Variants in B3GLCT observed in about 807,000 individuals in gnomAD.
B3GLCT encodes beta 3-glucosyltransferase.
A neutral mutation model predicts 63.4 loss-of-function variants in B3GLCT; 65 were observed. That is an observed-to-expected ratio of 1.03 (90% confidence interval 0.84 to 1.26). The LOEUF (loss-of-function observed/expected upper bound fraction) is 1.26, where lower values mean the gene tolerates loss of function less well. Among genes scored for constraint, B3GLCT ranks in the 50% most tolerant of loss-of-function variants. The pLI, the probability that B3GLCT is intolerant of heterozygous loss-of-function variation, is 0.00. For missense variants in B3GLCT, 577 were observed against 604.8 expected, an observed-to-expected ratio of 0.95 and a Z score of 0.48; for synonymous variants, 233 against 219.2, an observed-to-expected ratio of 1.06 and a Z score of -0.55.
chr13:31,222,920 A>G (rs762380786), intron 2 of B3GLCT, 32 bp from the exon 3 acceptor site: 5 of 1,419,826 alleles, frequency 3.5e-6, no homozygotes, highest in South Asian at 3.4e-5. Context: ...ATGTACTGAG[A>G]TTCATCTTTT....
At chr13:31,228,219 C>CG (rs11388750) in intron 3 of B3GLCT, among the ~76,000 whole-genome samples, 148,513 of 152,312 alleles carry the variant, frequency 0.98, 72,419 homozygotes, top group East Asian at 1. Flanking sequence ...TTGCTGTGGC[C>CG]GTTTCCTGGA....
intron 14 of B3GLCT, among the ~76,000 whole-genome samples, chr13:31,326,275 CTTT>C (rs11415456): frequency 1.8e-4 from 14 of 75,912 alleles, no homozygotes; most frequent in South Asian, 6.2e-4. Context: ...AGGTCTTTCC[CTTT>C]TTTTTTTTTT....
intron 8 of B3GLCT, among the ~76,000 whole-genome samples, chr13:31,270,862 G>T (rs1420040212): frequency 6.6e-6 from 1 of 152,230 alleles, no homozygotes; most frequent in East Asian, 1.9e-4. Context: ...CAACCAGGAA[G>T]AATTAGGCAC....
intron 13 of B3GLCT, among the ~76,000 whole-genome samples, chr13:31,318,534 T>C (rs1875172107): frequency 6.6e-6 from 1 of 152,190 alleles, no homozygotes. Context: ...TGGTGGCTCT[T>C]TTGTAGTGAT....
chr13:31,223,499 G>A (rs867410525), intron 3 of B3GLCT, among the ~76,000 whole-genome samples: 3 of 152,122 alleles, frequency 2.0e-5, no homozygotes, highest in Non-Finnish European at 2.9e-5. Context: ...CCTGGAAGCC[G>A]TTACTCCTTC....
intron 1 of B3GLCT, among the ~76,000 whole-genome samples, chr13:31,207,562 T>G: frequency 6.6e-6 from 1 of 152,230 alleles, no homozygotes; most frequent in East Asian, 1.9e-4. Flanking sequence ...TTTCTCTTTT[T>G]TTTTCACTAT....
chr13:31,215,190 T>C (rs1340352029), intron 2 of B3GLCT, 90 bp downstream of exon 2: 5 of 1,285,688 alleles, frequency 3.9e-6, no homozygotes, highest in Non-Finnish European at 5.6e-6. Flanking sequence ...CATTCTTCAA[T>C]TGTTATTTTT....
intron 1 of B3GLCT, among the ~76,000 whole-genome samples, chr13:31,207,700 G>A (rs1204591958): frequency 6.6e-6 from 1 of 152,118 alleles, no homozygotes; most frequent in African/African-American, 2.4e-5. Flanking sequence ...AATAAAACAG[G>A]AGAGGAGTTT....
At chr13:31,296,138 C>T (rs1177780267) in intron 12 of B3GLCT, among the ~76,000 whole-genome samples, 1 of 152,178 alleles carries the variant, frequency 6.6e-6, no homozygotes, top group Non-Finnish European at 1.5e-5. Flanking sequence ...TCTGTGGGCT[C>T]CACCCACTGT....
chr13:31,276,839 T>C (rs1339988219), intron 10 of B3GLCT, 68 bp downstream of exon 10: 3 of 1,176,730 alleles, frequency 2.5e-6, no homozygotes, highest in Admixed American at 1.7e-5. Context: ...AAAGTACCAA[T>C]GAATTCTTGA....
chr13:31,208,448 C>T (rs943597561), intron 1 of B3GLCT, among the ~76,000 whole-genome samples: 2 of 152,130 alleles, frequency 1.3e-5, no homozygotes, highest in African/African-American at 2.4e-5. Flanking sequence ...CCCCTGCACC[C>T]GGCTCTCCTG....
intron 12 of B3GLCT, among the ~76,000 whole-genome samples, chr13:31,295,691 A>G (rs568825464): frequency 1.3e-5 from 2 of 152,138 alleles, no homozygotes; most frequent in Admixed American, 6.5e-5. Flanking sequence ...TCCCAGGGGG[A>G]CTTCAGACTG....
rs754453255 is a variant in B3GLCT, at chr13:31,330,576, T to A, written c.*908T>A. 2 of 146,354 alleles carry A rather than the reference T, an allele frequency of 1.4e-5. No homozygotes were observed. Among genetic ancestry groups the A allele is most frequent in the Non-Finnish European group, 3.0e-5 (2 of 66,694 alleles). 9.1% of individuals were successfully genotyped at this position (146,354 alleles called of 1,614,324 possible). A position where few individuals can be genotyped will look rare whatever the true frequency, so the allele number is the denominator to read the frequency against. ...TTTTTTAAATGTTACTTAATGACTC[T>A]CTCCTGACTCAGGAGAGAAACCCCT... On this transcript the variant is annotated 3_prime_UTR_variant, in exon 15 of 15. Transcript: ENST00000343307.
intron 12 of B3GLCT, among the ~76,000 whole-genome samples, chr13:31,296,152 A>T (rs760214476): frequency 3.6e-4 from 55 of 152,250 alleles, no homozygotes; most frequent in Admixed American, 7.2e-4. Flanking sequence ...CCACTGTCCA[A>T]CCAGTCCCAA....
chr13:31,315,677 G>T (rs1362879924), intron 12 of B3GLCT, among the ~76,000 whole-genome samples: 6 of 152,242 alleles, frequency 3.9e-5, no homozygotes, highest in African/African-American at 1.2e-4. Flanking sequence ...CAAGCCAGCT[G>T]CAGAAATTTG....
In B3GLCT at chr13:31,308,362, A is replaced by AAAAAAAAAAC. The variant is rs61561180; in HGVS notation, c.1065-9195_1065-9194insCAAAAAAAAA. 1.6e-3 allele frequency among the ~76,000 whole-genome samples: 100 copies of AAAAAAAAAAC among 61,888 alleles called. 4 individuals are homozygous for AAAAAAAAAAC. The highest frequency in any genetic ancestry group is 2.7e-3 in the East Asian group (4 of 1,460). 40.6% of individuals were successfully genotyped at this position (61,888 alleles called of 152,430 possible). On this transcript the variant is annotated intron_variant, in intron 12 of 14. Coordinates refer to ENST00000343307, the MANE Select transcript of B3GLCT (RefSeq NM_194318.4). ...AAAAAAAAATTAAAAAAAAAAAAAC[A>AAAAAAAAAAC]AAAAAAAAAGCTAGTCCCACATGGC... is the stretch of plus-strand genomic sequence containing the variant.
Position 31,269,235 on chromosome 13 carries a change from T to C in B3GLCT, c.618T>C (p.Ser206=), listed in dbSNP as rs1420559787. ...CTAGGCTTACCAAGAGACTAAAGAGTGAATCCTTGAAATCCGACTTTACAA... is the reference window on the plus strand; with the variant it reads ...CTAGGCTTACCAAGAGACTAAAGAGCGAATCCTTGAAATCCGACTTTACAA... ...LVNKLTKRLK[S]ESLKSDFTID... Residue 206 remains serine, a synonymous_variant, in exon 8 of 15, where the codon AGT becomes AGC. Coordinates refer to ENST00000343307, the MANE Select transcript of B3GLCT (RefSeq NM_194318.4). 6.2e-7 allele frequency: 1 copy of C among 1,610,632 alleles called. No homozygotes were observed.
intron 12 of B3GLCT, among the ~76,000 whole-genome samples, chr13:31,297,375 GTTTTTTTT>G (rs35163232): frequency 7.8e-6 from 1 of 127,784 alleles, no homozygotes; most frequent in Non-Finnish European, 1.7e-5. Flanking sequence ...TATTTTCTGG[GTTTTTTTT>G]TTTTTTTTTT....
chr13:31,201,274 G>A (rs556739003), intron 1 of B3GLCT, among the ~76,000 whole-genome samples: 2 of 152,170 alleles, frequency 1.3e-5, no homozygotes, highest in Non-Finnish European at 2.9e-5. Flanking sequence ...TTGTATTTAA[G>A]CTCTCTGAAT....
Sources: gnomAD v4.1 joint callset for allele counts (sites outside exome capture counted in the v4.1 genomes callset) on GRCh38, gnomAD v4.1.1 for gene constraint, MANE v1.5 for transcripts, NCBI Gene and HGNC (gene_info 2026-07-23, HGNC 2026-07-21) for gene names.